ICMT: variants seen among roughly 807,000 people sequenced by gnomAD.
The protein encoded by ICMT is protein-S-isoprenylcysteine O-methyltransferase.
In ICMT, 10 loss-of-function variants were observed where a neutral mutation model predicts 32.2. That is an observed-to-expected ratio of 0.31 (90% confidence interval 0.19 to 0.53). The LOEUF (loss-of-function observed/expected upper bound fraction) is 0.53, where lower values mean the gene tolerates loss of function less well. Ranked by LOEUF, ICMT falls within the 20% of genes least tolerant of loss-of-function variation. ICMT has a pLI of 0.96. For missense variants in ICMT, 265 were observed against 356.9 expected (o/e 0.74, Z 2.07); for synonymous variants, 183 against 158.2 (o/e 1.16, Z -1.18).
rs1362851507 is a variant in ICMT, at chr1:6,234,904, G to A, written c.266C>T (p.Ser89Phe). Residue 89 changes from serine (S) to phenylalanine (F), a missense_variant, in exon 2 of 5, where the codon TCT (serine) becomes TTT (phenylalanine). Physicochemically the swap from Ser to Phe is radical, Grantham distance 155 (BLOSUM62 -2). Coordinates refer to ENST00000343813, the MANE Select transcript of ICMT (RefSeq NM_012405.4). ...CGTLLSFSQSSWSHFGWYMCS... is the reference protein window; with the variant it reads ...CGTLLSFSQSFWSHFGWYMCS... The stretch of plus-strand genomic sequence containing the variant: ...TTCTTACCAGCCAAAGTGACTCCAA[G>A]AAGACTGGCTAAAACTTAGCAGCGT... 5 of 1,613,722 alleles carry A rather than the reference G, an allele frequency of 3.1e-6. No individual in the cohort carries two copies. Among genetic ancestry groups the A allele is most frequent in the Non-Finnish European group, 4.2e-6 (5 of 1,179,732 alleles).
chr1:6,233,271 A>G (rs907277323), intron 3 of ICMT, among the ~76,000 whole-genome samples: 1 of 152,256 alleles, frequency 6.6e-6, no homozygotes, highest in Non-Finnish European at 1.5e-5. Context: ...TTTAAAGCAA[A>G]AGGTCAGCAC....
chr1:6,225,809 CA>C (rs1212972961), intron 4 of ICMT, among the ~76,000 whole-genome samples: 2 of 152,140 alleles, frequency 1.3e-5, no homozygotes, highest in African/African-American at 4.8e-5. Flanking sequence ...AGAAGAGCAG[CA>C]CTTCGCCCAC....
chr1:6,227,374 C>A (rs1454955099), intron 4 of ICMT, among the ~76,000 whole-genome samples: 1 of 152,222 alleles, frequency 6.6e-6, no homozygotes. Flanking sequence ...ATTTGCCCCA[C>A]CTATACCGTT....
chr1:6,233,060 T>C (rs1454887560), intron 3 of ICMT, among the ~76,000 whole-genome samples: 1 of 151,974 alleles, frequency 6.6e-6, no homozygotes, highest in Non-Finnish European at 1.5e-5. Flanking sequence ...TTCACCATAT[T>C]GGCCAGGCTG....
intron 4 of ICMT, among the ~76,000 whole-genome samples, chr1:6,229,782 ATACACACAC>A (rs774062888): frequency 3.1e-5 from 2 of 65,558 alleles, no homozygotes; most frequent in South Asian, 6.4e-4. Flanking sequence ...AATAAAAAAA[ATACACACAC>A]ACACACACAC....
intron 4 of ICMT, among the ~76,000 whole-genome samples, chr1:6,229,823 C>T (rs72632569): frequency 0.085 from 11,644 of 137,342 alleles, 654 homozygotes; most frequent in African/African-American, 0.16. Context: ...CACACACACA[C>T]ATAGAGCAGG....
intron 4 of ICMT, among the ~76,000 whole-genome samples, chr1:6,227,396 G>A (rs1298181744): frequency 6.6e-6 from 1 of 152,228 alleles, no homozygotes; most frequent in African/African-American, 2.4e-5. Flanking sequence ...GGGGTCACCA[G>A]AGTCACCAAG....
intron 1 of ICMT, 137 bp from the exon 2 acceptor site, chr1:6,235,111 G>A (rs145910484): frequency 1.7e-5 from 11 of 658,556 alleles, no homozygotes; most frequent in East Asian, 1.7e-4. Context: ...AGAAGTGGGC[G>A]ACCTGGGTTC....
In ICMT at chr1:6,223,747, G is replaced by A. The variant is rs1457287490; in HGVS notation, c.*1333C>T. 1 of 152,232 alleles carries A rather than the reference G, an allele frequency of 6.6e-6. No individual in the cohort carries two copies. The highest frequency in any genetic ancestry group is 1.5e-5 in the Non-Finnish European group (1 of 68,052). The allele number at this position is 152,232 out of a possible 1,614,324, so 9.4% of individuals were successfully genotyped here. A position where few individuals can be genotyped will look rare whatever the true frequency, so the allele number is the denominator to read the frequency against. ...AGGTCTAGGCACGGAAAGGTTTAGT[G>A]GCTCCTCACAGGCCGCGTGGTGGGG... On this transcript the variant is annotated 3_prime_UTR_variant, in exon 5 of 5. Transcript: ENST00000343813.
In ICMT at chr1:6,228,925, G is replaced by A. The variant is rs936708472; in HGVS notation, c.672+2977C>T. 4.6e-5 allele frequency among the ~76,000 whole-genome samples: 7 copies of A among 151,706 alleles called. No individual in the cohort carries two copies. The East Asian group carries it at 7.8e-4, about 17-fold the overall frequency. On this transcript the variant is annotated intron_variant, in intron 4 of 4. Coordinates refer to ENST00000343813, the MANE Select transcript of ICMT (RefSeq NM_012405.4). The stretch of plus-strand genomic sequence containing the variant: ...TGCACAACTGTAATCCCAGCTACTC[G>A]CGGGGGCTGAGGCAGGAGACTCACT...
chr1:6,232,124 G>A lies in ICMT; in HGVS notation c.455-5C>T. 6.2e-7 allele frequency: 1 copy of A among 1,610,726 alleles called. No individual in the cohort carries two copies. Among genetic ancestry groups the A allele is most frequent in the East Asian group, 2.2e-5 (1 of 44,788 alleles). ...GCCAGGTAATCTGCTTCAGTTCTGT[G>A]GGAGAGAGACATCAACGACACACGG... On this transcript the variant is annotated splice_region_variant and splice_polypyrimidine_tract_variant and intron_variant, in intron 3 of 4. Coordinates refer to ENST00000343813, the MANE Select transcript of ICMT (RefSeq NM_012405.4).
In ICMT at chr1:6,231,914, A is replaced by G. The variant is rs1028004576; in HGVS notation, c.660T>C (p.Ser220=). The change falls in exon 4 of 5, where the codon AGT becomes AGC. Residue 220 remains serine (S), a synonymous_variant. Coordinates refer to ENST00000343813, the MANE Select transcript of ICMT (RefSeq NM_012405.4). ...HPSYVGWFYW[S]IGTQVMLCNP... ...TTTAATATTATACCTGAGTTCCAAT[A>G]CTCCAGTAAAACCACCCGACGTAAG... is the stretch of plus-strand genomic sequence containing the variant. The G allele has an allele frequency of 5.7e-6, 9 of 1,581,004 alleles. No individual in the cohort carries two copies. The Admixed American group carries it at 1.4e-4, about 24-fold the overall frequency.
Position 6,235,904 on chromosome 1 carries a change from C to T in ICMT, c.8G>A (p.Gly3Asp). The T allele has an allele frequency of 1.8e-6, 2 of 1,118,002 alleles. No individual in the cohort carries two copies. The highest frequency in any genetic ancestry group is 2.2e-6 in the Non-Finnish European group (2 of 917,612). The allele number at this position is 1,118,002 out of a possible 1,614,324, so 69.3% of individuals were successfully genotyped here. The stretch of plus-strand genomic sequence containing the variant: ...GCCCGGCGGAGCCCGCGCCGCGCAG[C>T]CCGCCATGGCGCCGGGCGGCGGACT... Reference protein sequence around the residue: MAGCAARAPPGSE... With the variant: MADCAARAPPGSE... The change falls in exon 1 of 5, where the codon GGC becomes GAC. Residue 3 changes from glycine to aspartate, a missense_variant. Coordinates refer to ENST00000343813, the MANE Select transcript of ICMT (RefSeq NM_012405.4).
rs1571227273 is a variant in ICMT at position 6,233,575 on chromosome 1, C to T, written c.353G>A (p.Ser118Asn). 1 of 1,614,026 alleles carries T rather than the reference C, an allele frequency of 6.2e-7. No homozygotes were observed. Among genetic ancestry groups the T allele is most frequent in the Non-Finnish European group, 8.5e-7 (1 of 1,179,904 alleles). The stretch of plus-strand genomic sequence containing the variant: ...CAGGAGAAAGGAATCCAAGGACAGA[C>T]TTTTGGGATTATTGACTGCTGTCAC... ...YLVTAVNNPKSLSLDSFLLNH... is the reference protein window; with the variant it reads ...YLVTAVNNPKNLSLDSFLLNH... The change falls in exon 3 of 5, where the codon AGT (serine) becomes AAT (asparagine). Residue 118 changes from serine to asparagine, a missense_variant. Coordinates refer to ENST00000343813, the MANE Select transcript of ICMT (RefSeq NM_012405.4).
At chr1:6,225,378 G>A (rs551708185) in intron 4 of ICMT, 116 bp from the exon 5 acceptor site, 52 of 965,538 alleles carry the variant, frequency 5.4e-5, no homozygotes, top group South Asian at 7.9e-5. Flanking sequence ...TGCTGAGACC[G>A]TCAGGGTCTC....
Position 6,233,520 on chromosome 1 carries a change from A to G in ICMT, c.408T>C (p.Ala136=). 4 of 1,614,084 alleles carry G rather than the reference A, an allele frequency of 2.5e-6. No individual in the cohort carries two copies. Among genetic ancestry groups the G allele is most frequent in the Non-Finnish European group, 3.4e-6 (4 of 1,180,012 alleles). ...LNHSLEYTVA[A]LSSWLEFTLE... is the part of the protein sequence containing the mutation. ...GTGTGAACTCTAACCAAGAAGAAAG[A>G]GCAGCTACTGTATACTCCAGGCTGT... The change falls in exon 3 of 5, where the codon GCT becomes GCC. Residue 136 remains alanine, a synonymous_variant. Transcript: ENST00000343813.
rs1208155427 is a variant in ICMT at position 6,222,280 on chromosome 1, G to A, written c.*2800C>T. 1.3e-5 allele frequency: 2 copies of A among 152,236 alleles called. No individual in the cohort carries two copies. The highest frequency in any genetic ancestry group is 2.9e-5 in the Non-Finnish European group (2 of 68,100). The allele number at this position is 152,236 out of a possible 1,614,324, so 9.4% of individuals were successfully genotyped here. On this transcript the variant is annotated 3_prime_UTR_variant, in exon 5 of 5. Coordinates refer to ENST00000343813, the MANE Select transcript of ICMT (RefSeq NM_012405.4). ...TACTAAAAATACAAAAAAATTAGCT[G>A]GGCATGGTGGCCCAAGCCTGTAATC...
chr1:6,235,072 A>T (rs930405676), intron 1 of ICMT, 98 bp from the exon 2 acceptor site: 8 of 909,508 alleles, frequency 8.8e-6, no homozygotes, highest in Non-Finnish European at 1.2e-5. Flanking sequence ...AGGCAAGCAG[A>T]TAGAGCCGAT....
In ICMT at chr1:6,224,807, G is replaced by C. The variant is rs889194402; in HGVS notation, c.*273C>G. The C allele has an allele frequency of 3.6e-5, 14 of 385,832 alleles. No individual in the cohort carries two copies. Among genetic ancestry groups the C allele is most frequent in the Admixed American group, 8.9e-5 (2 of 22,542 alleles). The allele number at this position is 385,832 out of a possible 1,614,324, so 23.9% of individuals were successfully genotyped here. On this transcript the variant is annotated 3_prime_UTR_variant, in exon 5 of 5. Transcript: ENST00000343813. ...GGCGTGTGGCCTCGGTCCTCCCCAG[G>C]TAACTCTGGAGGGCGCTGTGGAATA...
Sources: allele counts gnomAD v4.1 joint callset (sites outside exome capture counted in the v4.1 genomes callset), GRCh38; gene constraint gnomAD v4.1.1; transcripts MANE v1.5; gene names NCBI Gene and HGNC (gene_info 2026-07-23, HGNC 2026-07-21).